Variants in KCNU1 observed in about 807,000 individuals in gnomAD.
KCNU1 encodes potassium calcium-activated channel subfamily U member 1.
In KCNU1, 93 loss-of-function variants were observed where a neutral mutation model predicts 126.8. The observed-to-expected ratio is 0.73, with a 90% CI of 0.62 to 0.87. KCNU1 has a LOEUF of 0.87. KCNU1 is among the 40% of genes least tolerant of loss of function. The probability of loss-of-function intolerance (pLI) is 0.00; values close to 1 mark genes in which losing one functional copy is unlikely to be tolerated. For missense variants in KCNU1, 1,330 were observed against 1,367.1 expected (o/e 0.97, Z 0.43); for synonymous variants, 523 against 494.2 (o/e 1.06, Z -0.77).
intron 19 of KCNU1, among the ~76,000 whole-genome samples, chr8:36,887,459 T>TG (rs962507122): frequency 4.7e-5 from 7 of 149,836 alleles, no homozygotes; most frequent in Non-Finnish European, 7.4e-5. Context: ...TTTGTTTTTT[T>TG]TTTTTTTTTT....
chr8:36,923,823 G>A (rs1485665301), intron 24 of KCNU1, among the ~76,000 whole-genome samples: 1 of 152,168 alleles, frequency 6.6e-6, no homozygotes, highest in East Asian at 1.9e-4. Flanking sequence ...AAAGAATGAA[G>A]AAGGAGAGGA....
chr8:36,934,453 C>G (rs1808795823), intron 26 of KCNU1, among the ~76,000 whole-genome samples: 1 of 151,978 alleles, frequency 6.6e-6, no homozygotes, highest in South Asian at 2.1e-4. Flanking sequence ...AAATAGCTCT[C>G]TCTCTCCCTC....
rs1262545017 is a variant in KCNU1 at position 36,884,264 on chromosome 8, A to G, written c.2009+19743A>G. Among the ~76,000 whole-genome samples the G allele has an allele frequency of 2.6e-5, 4 of 152,322 alleles. No individual in the cohort carries two copies. The South Asian group carries it at 6.2e-4, about 24-fold the overall frequency. ...CCTGATTTTTAATGAGGACATTGAG[A>G]GGGACTAAAGCCTCTGGCAGCATTC... On this transcript the variant is annotated intron_variant, in intron 19 of 26. Coordinates refer to ENST00000399881, the MANE Select transcript of KCNU1 (RefSeq NM_001031836.3).
chr8:36,872,291 G>A (rs62490750), intron 19 of KCNU1, among the ~76,000 whole-genome samples: 21,522 of 152,120 alleles, frequency 0.14, 1,974 homozygotes, highest in East Asian at 0.36. Flanking sequence ...AGGTGTCAAC[G>A]TATAGGGGAG....
Position 36,806,352 on chromosome 8 carries a change from T to C in KCNU1, c.552T>C (p.Ile184=), listed in dbSNP as rs1803502182. The change falls in exon 5 of 27, where the codon ATT becomes ATC. Residue 184 remains isoleucine, a synonymous_variant. Coordinates refer to ENST00000399881, the MANE Select transcript of KCNU1 (RefSeq NM_001031836.3). ...TCTTTACCATCCCACCAACCTTTAT[T>C]TCTTATTATTTGAAGAGCAATTGGC... is the stretch of plus-strand genomic sequence containing the variant. ...VDIFTIPPTF[I]SYYLKSNWLG... is the part of the protein sequence containing the mutation. 5 of 1,606,988 alleles carry C rather than the reference T, an allele frequency of 3.1e-6. No homozygotes were observed. The highest frequency in any genetic ancestry group is 8.5e-7 in the Non-Finnish European group (1 of 1,175,734).
rs539885913 is a variant in KCNU1 at position 36,872,901 on chromosome 8, T to C, written c.2009+8380T>C. 1.1e-4 allele frequency among the ~76,000 whole-genome samples: 17 copies of C among 152,216 alleles called. 4 individuals are homozygous for C. The highest frequency in any genetic ancestry group is 4.1e-4 in the African/African-American group (17 of 41,536). ...GGGAGGCCAAGGTGGGTGAATCACC[T>C]GAGGTCAGGAGTTTGAGACCTGCCT... On this transcript the variant is annotated intron_variant, in intron 19 of 26. Coordinates refer to ENST00000399881, the MANE Select transcript of KCNU1 (RefSeq NM_001031836.3).
chr8:36,803,031 G>A (rs1391290663), intron 2 of KCNU1, among the ~76,000 whole-genome samples: 1 of 152,160 alleles, frequency 6.6e-6, no homozygotes, highest in Non-Finnish European at 1.5e-5. Flanking sequence ...CAGGGTGTGA[G>A]CATCATGATC....
At chr8:36,889,374 C>T (rs900762649) in intron 19 of KCNU1, 1 of 413,224 alleles carries the variant, frequency 2.4e-6, no homozygotes, top group African/African-American at 2.1e-5. Flanking sequence ...TTGTCATCAA[C>T]ACAACACCAG....
intron 21 of KCNU1, among the ~76,000 whole-genome samples, chr8:36,910,384 A>C (rs549493431): frequency 4.1e-4 from 62 of 152,306 alleles, no homozygotes; most frequent in African/African-American, 1.3e-3. Context: ...AAATAAGAGC[A>C]AATCTGATCC....
intron 7 of KCNU1, 38 bp from the exon 8 acceptor site, chr8:36,814,169 C>T (rs753133227): frequency 6.5e-7 from 1 of 1,532,286 alleles, no homozygotes; most frequent in Non-Finnish European, 9.0e-7. Context: ...CTCTTGGATT[C>T]TATTCAGATG....
At chr8:36,913,716 C>T (rs1807981139) in intron 22 of KCNU1, among the ~76,000 whole-genome samples, 1 of 151,500 alleles carries the variant, frequency 6.6e-6, no homozygotes. Flanking sequence ...ATTCTTCTGG[C>T]TCAGCCTCCC....
In KCNU1 at chr8:36,849,791, G is replaced by A. The variant is rs116079119; in HGVS notation, c.1891+3892G>A. ...ATATAATGCTGCTATGCACATTGGG[G>A]CACAAATATCTGTTCAAGTTCCTGC... On this transcript the variant is annotated intron_variant, in intron 18 of 26. Transcript: ENST00000399881. Among the ~76,000 whole-genome samples, 664 of 152,154 alleles carry A rather than the reference G, an allele frequency of 4.4e-3. 7 individuals are homozygous for A. The highest frequency in any genetic ancestry group is 0.015 in the African/African-American group (627 of 41,498).
Position 36,931,073 on chromosome 8 carries a change from G to A in KCNU1, c.2859G>A (p.Ser953=), listed in dbSNP as rs373420660. 50 of 1,611,472 alleles carry A rather than the reference G, an allele frequency of 3.1e-5. No individual in the cohort carries two copies. The Middle Eastern group carries it at 6.6e-4, about 21-fold the overall frequency. The change falls in exon 25 of 27, where the codon TCG becomes TCA. Residue 953 remains serine (S), a synonymous_variant. Transcript: ENST00000399881. ...ATGGTGTGGCAGATAGCTGCACGTCGCTCTTGTCTGGAAGAAACCGGTGTA... is the reference window on the plus strand; with the variant it reads ...ATGGTGTGGCAGATAGCTGCACGTCACTCTTGTCTGGAAGAAACCGGTGTA... ...KVYGVADSCT[S]LLSGRNRCKL... is the part of the protein sequence containing the mutation.
intron 16 of KCNU1, among the ~76,000 whole-genome samples, chr8:36,841,763 A>G (rs1343009505): frequency 6.6e-6 from 1 of 152,152 alleles, no homozygotes; most frequent in African/African-American, 2.4e-5. Flanking sequence ...AGCCGACCGG[A>G]CAAAGGCTTT....
intron 19 of KCNU1, 136 bp from the exon 20 acceptor site, chr8:36,905,572 G>A: frequency 3.1e-6 from 2 of 642,750 alleles, no homozygotes; most frequent in South Asian, 1.8e-5. Context: ...TTATTCTAGA[G>A]TCTTACAGAC....
intron 16 of KCNU1, among the ~76,000 whole-genome samples, chr8:36,841,850 AAAGT>A (rs1158659313): frequency 6.6e-6 from 1 of 152,214 alleles, no homozygotes. Context: ...AATAAATATG[AAAGT>A]AAGAGAAGTT....
At position 36,813,618 on chromosome 8, in the gene KCNU1, A is replaced by G. The variant is rs371714252; in HGVS notation, c.733-589A>G. Among the ~76,000 whole-genome samples, 63 of 151,626 alleles carry G rather than the reference A, an allele frequency of 4.2e-4. No homozygotes were observed. The East Asian group carries it at 0.01, about 25-fold the overall frequency. On this transcript the variant is annotated intron_variant, in intron 7 of 26. Transcript: ENST00000399881. Reference sequence around the variant, plus strand: ...AAATCTGATAAATCTAGTTTTCTTGAAAGGTGAAGACTCAAAGAAAAAATC... The same window carrying G: ...AAATCTGATAAATCTAGTTTTCTTGGAAGGTGAAGACTCAAAGAAAAAATC...
chr8:36,794,174 A>T (rs1435013197), intron 2 of KCNU1, among the ~76,000 whole-genome samples: 1 of 152,048 alleles, frequency 6.6e-6, no homozygotes, highest in Non-Finnish European at 1.5e-5. Flanking sequence ...CAACAGGGAG[A>T]AGACAACTTT....
chr8:36,876,854 G>A lies in KCNU1; in HGVS notation c.2009+12333G>A, dbSNP rs183924367. 3.3e-5 allele frequency among the ~76,000 whole-genome samples: 5 copies of A among 152,264 alleles called. No individual in the cohort carries two copies. The East Asian group carries it at 9.7e-4, about 29-fold the overall frequency. On this transcript the variant is annotated intron_variant, in intron 19 of 26. Transcript: ENST00000399881. ...CCCTTGTCTAATAATATACGCCCTG[G>A]CTGGCCTGTTTCCACCCTGAGAATC...
Sources: gnomAD v4.1 joint callset for allele counts (sites outside exome capture counted in the v4.1 genomes callset) on GRCh38, gnomAD v4.1.1 for gene constraint, MANE v1.5 for transcripts, NCBI Gene and HGNC (gene_info 2026-07-23, HGNC 2026-07-21) for gene names.